Variants in VSTM4 observed in about 807,000 individuals in gnomAD.
VSTM4 encodes V-set and transmembrane domain-containing protein 4.
Under a neutral mutation model 36.4 loss-of-function variants are expected in VSTM4, and 20 were observed. That is an observed-to-expected ratio of 0.55 (90% CI 0.39 to 0.80). The LOEUF (loss-of-function observed/expected upper bound fraction) is 0.80. Ranked by LOEUF, VSTM4 falls within the 30% of genes least tolerant of loss-of-function variation. The pLI is 0.00. For synonymous variants in VSTM4, 182 were observed against 173.9 expected (o/e 1.05, Z -0.37); for missense variants, 392 against 404.5 (o/e 0.97, Z 0.26).
chr10:49,047,168 T>C (rs1441263484), intron 6 of VSTM4, 124 bp from the exon 7 acceptor site: 2 of 995,422 alleles, frequency 2.0e-6, no homozygotes, highest in Non-Finnish European at 3.1e-6. Flanking sequence ...ATGGAAGAAC[T>C]TTCTGATCTA....
At chr10:49,085,855 G>A (rs558736976) in intron 3 of VSTM4, 100 bp downstream of exon 3, 26 of 686,746 alleles carry the variant, frequency 3.8e-5, no homozygotes, top group East Asian at 2.3e-4. Flanking sequence ...AAACCTGCAC[G>A]TTGTGCACAT....
chr10:49,100,869 A>G (rs1844654007), intron 2 of VSTM4, among the ~76,000 whole-genome samples: 1 of 152,180 alleles, frequency 6.6e-6, no homozygotes, highest in Non-Finnish European at 1.5e-5. Flanking sequence ...TGAAGTGTAC[A>G]AAGTTTTCAT....
At chr10:49,042,526 C>T (rs1284995954) in intron 7 of VSTM4, among the ~76,000 whole-genome samples, 1 of 152,234 alleles carries the variant, frequency 6.6e-6, no homozygotes, top group Non-Finnish European at 1.5e-5. Context: ...TGAGGCAAAG[C>T]TTCCAATGTG....
At chr10:49,111,391 GC>G (rs539422858) in intron 1 of VSTM4, among the ~76,000 whole-genome samples, 2 of 152,118 alleles carry the variant, frequency 1.3e-5, no homozygotes, top group Non-Finnish European at 2.9e-5. Flanking sequence ...AGTGTACAGG[GC>G]CCCCGGGAGC....
chr10:49,018,226 G>C lies in VSTM4; in HGVS notation c.*1424C>G, dbSNP rs1843130306. ...TAAATAGTGAAGAAATTTTCATTTT[G>C]AAAATGCAGACTGGCTTTAGCATGA... On this transcript the variant is annotated 3_prime_UTR_variant, in exon 8 of 8. Transcript: ENST00000332853. 6.6e-6 allele frequency: 1 copy of C among 152,192 alleles called. No homozygotes were observed. Among genetic ancestry groups the C allele is most frequent in the African/African-American group, 2.4e-5 (1 of 41,456 alleles). 9.4% of individuals were successfully genotyped at this position (152,192 alleles called of 1,614,324 possible). A position where few individuals can be genotyped will look rare whatever the true frequency, so the allele number is the denominator to read the frequency against.
At chr10:49,111,002 T>G (rs1844884454) in intron 1 of VSTM4, among the ~76,000 whole-genome samples, 1 of 152,216 alleles carries the variant, frequency 6.6e-6, no homozygotes, top group Admixed American at 6.5e-5. Context: ...CCGCCAAGTC[T>G]GAAAGCTTTG....
At chr10:49,053,194 A>G (rs971278361) in intron 5 of VSTM4, among the ~76,000 whole-genome samples, 1 of 152,234 alleles carries the variant, frequency 6.6e-6, no homozygotes, top group Non-Finnish European at 1.5e-5. Flanking sequence ...CTGTTTGATT[A>G]GAGAGAAGTG....
intron 1 of VSTM4, among the ~76,000 whole-genome samples, chr10:49,111,791 C>T (rs1443785517): frequency 6.6e-6 from 1 of 152,128 alleles, no homozygotes; most frequent in Admixed American, 6.5e-5. Flanking sequence ...GGCAGCCACT[C>T]ATTGGGGAAA....
intron 2 of VSTM4, among the ~76,000 whole-genome samples, chr10:49,101,132 C>T (rs960279361): frequency 1.3e-5 from 2 of 151,786 alleles, no homozygotes; most frequent in South Asian, 2.1e-4. Context: ...TTCCAAGATT[C>T]GATACAAAAC....
chr10:49,087,980 TAATA>T (rs1347074622), intron 2 of VSTM4, among the ~76,000 whole-genome samples: 1 of 132,308 alleles, frequency 7.6e-6, no homozygotes, highest in Non-Finnish European at 1.5e-5. Flanking sequence ...TATACATATG[TAATA>T]TATATGTGTA....
In VSTM4 at chr10:49,019,625, T is replaced by G. The variant is rs764323401; in HGVS notation, c.*25A>C. The G allele has an allele frequency of 6.3e-7, 1 of 1,586,180 alleles. No individual in the cohort carries two copies. The highest frequency in any genetic ancestry group is 1.8e-5 in the Admixed American group (1 of 55,820). ...AAATCACTGGGTGGCAGGTATTAAA[T>G]AGAACCTTGGAGGTGGACGCTGTAC... On this transcript the variant is annotated 3_prime_UTR_variant, in exon 8 of 8. Coordinates refer to ENST00000332853, the MANE Select transcript of VSTM4 (RefSeq NM_001031746.5).
intron 2 of VSTM4, among the ~76,000 whole-genome samples, chr10:49,100,452 A>T (rs902861285): frequency 1.3e-5 from 2 of 152,250 alleles, no homozygotes; most frequent in Non-Finnish European, 2.9e-5. Context: ...ATACCGATTT[A>T]AAATCTTCAC....
At chr10:49,053,256 G>C (rs1843726367) in intron 5 of VSTM4, among the ~76,000 whole-genome samples, 1 of 152,214 alleles carries the variant, frequency 6.6e-6, no homozygotes, top group Non-Finnish European at 1.5e-5. Flanking sequence ...CCTCCAACAA[G>C]GGCAGGCAGG....
At chr10:49,048,439 G>T in intron 6 of VSTM4, 39 bp downstream of exon 6, 1 of 1,533,410 alleles carries the variant, frequency 6.5e-7, no homozygotes, top group East Asian at 2.3e-5. Context: ...GATCAATAAT[G>T]ATAGTTTCCA....
chr10:49,085,892 A>G (rs998214091), intron 3 of VSTM4, 63 bp downstream of exon 3: 3 of 984,316 alleles, frequency 3.0e-6, no homozygotes, highest in Non-Finnish European at 4.5e-6. Flanking sequence ...AGTATAATTT[A>G]AAAAAAAAGA....
intron 2 of VSTM4, among the ~76,000 whole-genome samples, chr10:49,088,045 C>G (rs938356410): frequency 2.0e-5 from 3 of 148,630 alleles, no homozygotes; most frequent in African/African-American, 7.4e-5. Context: ...TTATATAATA[C>G]AAATATATTT....
intron 2 of VSTM4, among the ~76,000 whole-genome samples, chr10:49,105,929 G>A (rs1844774517): frequency 6.6e-6 from 1 of 151,992 alleles, no homozygotes; most frequent in South Asian, 2.1e-4. Context: ...CAGCCAAGTG[G>A]TATTTGCAGT....
In VSTM4 at chr10:49,018,347, A is replaced by G. The variant is rs1044491391; in HGVS notation, c.*1303T>C. 5.9e-5 allele frequency: 9 copies of G among 152,222 alleles called. No individual in the cohort carries two copies. The highest frequency in any genetic ancestry group is 2.2e-4 in the African/African-American group (9 of 41,460). 9.4% of individuals were successfully genotyped at this position (152,222 alleles called of 1,614,324 possible). ...CCCTCAAGAATTCTATGGGAAGTTA[A>G]GTCGTCTTTACACAAACATGGAGTC... is the stretch of plus-strand genomic sequence containing the variant. On this transcript the variant is annotated 3_prime_UTR_variant, in exon 8 of 8. Coordinates refer to ENST00000332853, the MANE Select transcript of VSTM4 (RefSeq NM_001031746.5).
chr10:49,037,371 G>A (rs954531606), intron 7 of VSTM4, among the ~76,000 whole-genome samples: 1 of 152,242 alleles, frequency 6.6e-6, no homozygotes, highest in Non-Finnish European at 1.5e-5. Context: ...CAGTAGGTCT[G>A]AGTCAGGGCC....
Sources: gnomAD v4.1 joint callset for allele counts (sites outside exome capture counted in the v4.1 genomes callset) on GRCh38, gnomAD v4.1.1 for gene constraint, MANE v1.5 for transcripts, NCBI Gene and HGNC (gene_info 2026-07-23, HGNC 2026-07-21) for gene names.